Variants in LRP1B observed in about 807,000 individuals in gnomAD.
LRP1B encodes low-density lipoprotein receptor-related protein 1B.
In LRP1B, 217 loss-of-function variants were observed where a neutral mutation model predicts 556.6. That is an observed-to-expected ratio of 0.39 (90% CI 0.35 to 0.44). The LOEUF is 0.44. LRP1B is among the 20% of genes least tolerant of loss of function. LRP1B has a pLI of 1.00. For missense variants in LRP1B, 5,053 were observed against 5,620.8 expected (o/e 0.90, Z 3.23); for synonymous variants, 2,047 against 1,865.8 (o/e 1.10, Z -2.50).
At chr2:141,832,386 A>G (rs188025374) in intron 1 of LRP1B, among the ~76,000 whole-genome samples, 21 of 151,526 alleles carry the variant, frequency 1.4e-4, no homozygotes, top group Non-Finnish European at 2.2e-4. Flanking sequence ...TGAACAGAAC[A>G]AATGAACAAA....
rs774586893 is a variant in LRP1B at position 141,005,358 on chromosome 2, T to C, written c.2480A>G (p.Asp827Gly). Residue 827 changes from aspartate (D) to glycine (G), a missense_variant, in exon 15 of 91, where the codon GAT (aspartate) becomes GGT (glycine). By Grantham distance (94) the Asp-to-Gly change is moderately conservative (BLOSUM62 -1). Around this residue, in one of 5 missense-constraint regions of LRP1B, gnomAD observed 3,619 missense variants for 3,931.9 expected, o/e 0.92. Coordinates refer to ENST00000389484, the MANE Select transcript of LRP1B (RefSeq NM_018557.3). The part of the protein sequence containing the change: ...VCACADNQLL[D>G]ENGTTCTFNP... ...ACATGTGCAAGTTGTCCCATTTTCA[T>C]CCAAAAGTTGATTATCGGCACAAGC... 13 of 1,610,094 alleles carry C rather than the reference T, an allele frequency of 8.1e-6. No homozygotes were observed. The highest frequency in any genetic ancestry group is 1.0e-5 in the Non-Finnish European group (12 of 1,177,428).
intron 2 of LRP1B, among the ~76,000 whole-genome samples, chr2:141,675,742 C>T (rs1024033920): frequency 6.6e-6 from 1 of 150,522 alleles, no homozygotes; most frequent in African/African-American, 2.4e-5. Context: ...AGTATTTTTT[C>T]AAGAATGAGA....
rs1378774390 is a variant in LRP1B at position 141,264,512 on chromosome 2, A to G, written c.344-9871T>C. Among the ~76,000 whole-genome samples the G allele has an allele frequency of 5.3e-5, 8 of 152,188 alleles. No homozygotes were observed. The South Asian group carries it at 1.2e-3, about 24-fold the overall frequency. The stretch of plus-strand genomic sequence containing the variant: ...CTCTTGTCATCCAGGCTGGAGTGCA[A>G]TGGAACCATCTCCCCTCACTGCAAC... On this transcript the variant is annotated intron_variant, in intron 3 of 90. Coordinates refer to ENST00000389484, the MANE Select transcript of LRP1B (RefSeq NM_018557.3).
intron 3 of LRP1B, among the ~76,000 whole-genome samples, chr2:141,359,984 G>A (rs1688764715): frequency 6.6e-6 from 1 of 150,626 alleles, no homozygotes; most frequent in South Asian, 2.1e-4. Flanking sequence ...ATATAGAAAG[G>A]TTAGAAACAG....
Position 140,750,125 on chromosome 2 carries a change from T to A in LRP1B, c.5758+19088A>T, listed in dbSNP as rs567956331. Among the ~76,000 whole-genome samples the A allele has an allele frequency of 9.5e-4, 144 of 151,764 alleles. 3 individuals carry two copies. Among genetic ancestry groups the A allele is most frequent in the South Asian group, 1.0e-3 (5 of 4,810 alleles). On this transcript the variant is annotated intron_variant, in intron 35 of 90. Coordinates refer to ENST00000389484, the MANE Select transcript of LRP1B (RefSeq NM_018557.3). The stretch of plus-strand genomic sequence containing the variant: ...ACACACACACACACATTTCAGTACA[T>A]TATCAATACATGTAAAAATTTAAGT...
At chr2:141,546,705 T>C (rs182656719) in intron 2 of LRP1B, among the ~76,000 whole-genome samples, 50 of 152,306 alleles carry the variant, frequency 3.3e-4, no homozygotes, top group African/African-American at 1.1e-3. Flanking sequence ...AAAATGAGCA[T>C]TGAGGCCTGC....
chr2:140,789,873 G>A (rs1213998039), intron 32 of LRP1B, among the ~76,000 whole-genome samples: 2 of 151,424 alleles, frequency 1.3e-5, no homozygotes, highest in Admixed American at 6.6e-5. Context: ...CTCGCGATCC[G>A]CCCGCCTCGG....
At position 142,021,686 on chromosome 2, in the gene LRP1B, A is replaced by G. The variant is rs547124561; in HGVS notation, c.82+108962T>C. On this transcript the variant is annotated intron_variant, in intron 1 of 90. Transcript: ENST00000389484. ...TCTAGTGATATAATTTACCCATAAA[A>G]ATTAGCAGCCCTATGGAATGTTGCA... Among the ~76,000 whole-genome samples the G allele has an allele frequency of 3.3e-5, 5 of 152,284 alleles. No homozygotes were observed. In the East Asian group the frequency reaches 9.6e-4, roughly 29 times the overall value.
chr2:141,074,607 GT>G (rs1224678669), intron 7 of LRP1B, among the ~76,000 whole-genome samples: 248 of 114,592 alleles, frequency 2.2e-3, no homozygotes, highest in African/African-American at 7.1e-3. Flanking sequence ...ATATATATAT[GT>G]TTTTTATATA....
intron 43 of LRP1B, among the ~76,000 whole-genome samples, chr2:140,554,180 CCTTT>C (rs1370374541): frequency 6.6e-6 from 1 of 151,988 alleles, no homozygotes; most frequent in Non-Finnish European, 1.5e-5. Flanking sequence ...ACCTCTGCTC[CCTTT>C]CTAAGGAGAG....
intron 57 of LRP1B, 108 bp downstream of exon 57, chr2:140,492,500 C>A (rs937885072): frequency 4.4e-6 from 3 of 689,650 alleles, no homozygotes; most frequent in African/African-American, 3.6e-5. Context: ...TTTCTCCTGA[C>A]AACTAAAAAT....
chr2:140,658,077 T>C (rs1684955589), intron 41 of LRP1B, among the ~76,000 whole-genome samples: 1 of 152,158 alleles, frequency 6.6e-6, no homozygotes, highest in Non-Finnish European at 1.5e-5. Flanking sequence ...TTATAAATTA[T>C]TCAAAATTTA....
intron 2 of LRP1B, among the ~76,000 whole-genome samples, chr2:141,502,772 T>C (rs1318827497): frequency 6.6e-6 from 1 of 151,806 alleles, no homozygotes; most frequent in African/African-American, 2.4e-5. Flanking sequence ...GGCAGGAGAA[T>C]TGGTTGAACC....
chr2:140,608,824 T>A (rs1682964248), intron 41 of LRP1B, among the ~76,000 whole-genome samples: 1 of 149,376 alleles, frequency 6.7e-6, no homozygotes, highest in Non-Finnish European at 1.5e-5. Context: ...TGACAGTGAT[T>A]TGTTTCTTTG....
chr2:141,951,401 T>C lies in LRP1B; in HGVS notation c.83-141000A>G, dbSNP rs541557931. Reference sequence around the variant, plus strand: ...TCATTGTTATGCCTTTGCATCCTCATAGCTCAGCTCCAACGTATAGGTGAG... The same window carrying C: ...TCATTGTTATGCCTTTGCATCCTCACAGCTCAGCTCCAACGTATAGGTGAG... On this transcript the variant is annotated intron_variant, in intron 1 of 90. Coordinates refer to ENST00000389484, the MANE Select transcript of LRP1B (RefSeq NM_018557.3). Among the ~76,000 whole-genome samples the C allele has an allele frequency of 5.9e-5, 9 of 152,298 alleles. No homozygotes were observed. In the East Asian group the frequency reaches 1.7e-3, roughly 29 times the overall value.
At chr2:140,522,191 C>A (rs986362934) in intron 49 of LRP1B, among the ~76,000 whole-genome samples, 3 of 151,900 alleles carry the variant, frequency 2.0e-5, no homozygotes, top group Non-Finnish European at 2.9e-5. Flanking sequence ...GGTCATAAAA[C>A]AAGTCTCAAT....
intron 35 of LRP1B, among the ~76,000 whole-genome samples, chr2:140,766,547 T>C (rs1689110398): frequency 6.6e-6 from 1 of 151,856 alleles, no homozygotes. Flanking sequence ...GCACTGAATG[T>C]TAGCCTCTTA....
At chr2:140,530,663 A>G (rs1690651812) in intron 47 of LRP1B, among the ~76,000 whole-genome samples, 1 of 152,134 alleles carries the variant, frequency 6.6e-6, no homozygotes. Context: ...AAATTCACTA[A>G]TTTCTATTAA....
intron 2 of LRP1B, among the ~76,000 whole-genome samples, chr2:141,798,382 T>C (rs1242320596): frequency 6.6e-6 from 1 of 152,096 alleles, no homozygotes; most frequent in Non-Finnish European, 1.5e-5. Flanking sequence ...GTAATCTTTA[T>C]GAGATAAGCT....
Sources: gnomAD v4.1 joint callset for allele counts (sites outside exome capture counted in the v4.1 genomes callset) on GRCh38, gnomAD v4.1.1 for gene constraint, gnomAD v4.1.1 regional missense constraint, MANE v1.5 for transcripts, NCBI Gene and HGNC (gene_info 2026-07-23, HGNC 2026-07-21) for gene names.